INIP: variants seen among roughly 807,000 people sequenced by gnomAD.
INIP encodes the protein INTS3 and NABP interacting protein, also known as SOSS complex subunit C.
Under a neutral mutation model 14.0 loss-of-function variants are expected in INIP, and 9 were observed. The observed-to-expected ratio is 0.64, with a 90% confidence interval of 0.39 to 1.12. The LOEUF (loss-of-function observed/expected upper bound fraction) is 1.12. INIP is among the 50% of genes most tolerant of loss of function. INIP has a pLI of 0.01. For missense variants in INIP, 78 were observed against 122.7 expected (o/e 0.64, Z 1.72); for synonymous variants, 37 against 41.5 (o/e 0.89, Z 0.41).
intron 4 of INIP, among the ~76,000 whole-genome samples, chr9:112,688,952 A>G (rs945699159): frequency 9.2e-5 from 14 of 152,152 alleles, no homozygotes; most frequent in Non-Finnish European, 1.5e-4. Flanking sequence ...TGCCTATGGG[A>G]AAAAAATGTC....
intron 2 of INIP, 44 bp from the exon 3 acceptor site, chr9:112,694,277 T>A: frequency 8.4e-7 from 1 of 1,191,286 alleles, no homozygotes; most frequent in Non-Finnish European, 1.2e-6. Flanking sequence ...AAAGAGAGAG[T>A]AATCAGAAAC....
chr9:112,707,832 G>A (rs186672808), intron 2 of INIP, among the ~76,000 whole-genome samples: 2 of 152,258 alleles, frequency 1.3e-5, no homozygotes, highest in African/African-American at 4.8e-5. Flanking sequence ...TACCATAGTT[G>A]AGACACCTAT....
Position 112,685,318 on chromosome 9 carries a change from A to G in INIP, c.*2220T>C, listed in dbSNP as rs1019599313. On this transcript the variant is annotated 3_prime_UTR_variant, in exon 5 of 5. Transcript: ENST00000374242. Reference sequence around the variant, plus strand: ...TGTTGCCTAGGCTGTGGCTTGCTTTATAACTATTGGTGTACCAGAATAGGA... The same window carrying G: ...TGTTGCCTAGGCTGTGGCTTGCTTTGTAACTATTGGTGTACCAGAATAGGA... 1.3e-5 allele frequency: 2 copies of G among 150,250 alleles called. No individual in the cohort carries two copies. The highest frequency in any genetic ancestry group is 2.1e-4 in the South Asian group (1 of 4,760). 9.3% of individuals were successfully genotyped at this position (150,250 alleles called of 1,614,324 possible).
chr9:112,697,233 G>A (rs1248924768), intron 2 of INIP, among the ~76,000 whole-genome samples: 1 of 152,192 alleles, frequency 6.6e-6, no homozygotes, highest in Non-Finnish European at 1.5e-5. Flanking sequence ...ATCAGAGCAA[G>A]GCTGGTGGCT....
intron 2 of INIP, among the ~76,000 whole-genome samples, chr9:112,703,601 T>A (rs1490918261): frequency 2.0e-5 from 3 of 152,162 alleles, no homozygotes; most frequent in Non-Finnish European, 2.9e-5. Flanking sequence ...ACTAGTTCCA[T>A]GTCTTAGGGC....
In INIP at chr9:112,694,174, G is replaced by C. The variant is rs1374906928; in HGVS notation, c.85C>G (p.Leu29Val). Reference protein sequence around the residue: ...LAELDKEKRKLLMQNQSSTNH... With the variant: ...LAELDKEKRKVLMQNQSSTNH... The stretch of plus-strand genomic sequence containing the variant: ...GTTGAAGACTGGTTCTGCATAAGTA[G>C]TTTTCTTTTCTCTTTGTCCAGTTCT... Residue 29 changes from leucine (L) to valine (V), a missense_variant, in exon 3 of 5, where the codon CTA becomes GTA. By Grantham distance (32) the Leu-to-Val change is conservative. Transcript: ENST00000374242. 6.2e-7 allele frequency: 1 copy of C among 1,611,672 alleles called. No homozygotes were observed. Among genetic ancestry groups the C allele is most frequent in the South Asian group, 1.1e-5 (1 of 90,706 alleles).
At chr9:112,703,568 AAAC>A (rs1033737675) in intron 2 of INIP, among the ~76,000 whole-genome samples, 3 of 152,130 alleles carry the variant, frequency 2.0e-5, no homozygotes, top group Admixed American at 6.6e-5. Context: ...AAACAAAACA[AAAC>A]AACAACAACA....
chr9:112,699,087 G>A (rs1034180400), intron 2 of INIP, among the ~76,000 whole-genome samples: 2 of 152,106 alleles, frequency 1.3e-5, no homozygotes, highest in Non-Finnish European at 1.5e-5. Context: ...GGAGGTCGAG[G>A]CAGGAGGATC....
intron 2 of INIP, among the ~76,000 whole-genome samples, chr9:112,699,509 A>G (rs1838217409): frequency 6.6e-6 from 1 of 152,146 alleles, no homozygotes; most frequent in Non-Finnish European, 1.5e-5. Context: ...ATTGCAGTAT[A>G]TTGTTATAAT....
chr9:112,707,690 A>G, intron 2 of INIP, among the ~76,000 whole-genome samples: 1 of 152,296 alleles, frequency 6.6e-6, no homozygotes, highest in Non-Finnish European at 1.5e-5. Flanking sequence ...AAAAGTGAAA[A>G]TTATTTTGAT....
At chr9:112,702,330 T>C (rs1838324390) in intron 2 of INIP, among the ~76,000 whole-genome samples, 1 of 152,166 alleles carries the variant, frequency 6.6e-6, no homozygotes, top group South Asian at 2.1e-4. Flanking sequence ...CCTATAAAGA[T>C]AATCTGATCA....
At chr9:112,701,853 C>G (rs1479149682) in intron 2 of INIP, 1 of 150,374 alleles carries the variant, frequency 6.7e-6, no homozygotes, top group Non-Finnish European at 1.5e-5. Context: ...AGTTCAAGAT[C>G]AGCCTGGGCA....
At chr9:112,697,059 C>T (rs1161963054) in intron 2 of INIP, among the ~76,000 whole-genome samples, 1 of 152,192 alleles carries the variant, frequency 6.6e-6, no homozygotes, top group Non-Finnish European at 1.5e-5. Flanking sequence ...GTAGGTGGGA[C>T]TGAAAGTTCC....
chr9:112,695,325 G>A (rs1838045795), intron 2 of INIP, among the ~76,000 whole-genome samples: 1 of 150,708 alleles, frequency 6.6e-6, no homozygotes. Context: ...CCAGAAGAAT[G>A]AATATGGGAG....
intron 2 of INIP, among the ~76,000 whole-genome samples, chr9:112,698,851 A>AC: frequency 6.6e-6 from 1 of 152,290 alleles, no homozygotes; most frequent in Non-Finnish European, 1.5e-5. Context: ...ACTCTCATAT[A>AC]ATAGCCTTCT....
rs372762632 is a variant in INIP, at chr9:112,700,491, A to G, written c.26-6258T>C. Among the ~76,000 whole-genome samples the G allele has an allele frequency of 8.7e-5, 13 of 149,356 alleles. No individual in the cohort carries two copies. The East Asian group carries it at 1.2e-3, about 13-fold the overall frequency. ...ATTTCTCTCCCATTTTATCAGGGCC[A>G]TCTCCAAAAAGACTTATAAATTAGG... is the stretch of plus-strand genomic sequence containing the variant. On this transcript the variant is annotated intron_variant, in intron 2 of 4. Transcript: ENST00000374242.
In INIP at chr9:112,689,608, G is replaced by A. The variant is rs751965987; in HGVS notation, c.138C>T (p.Leu46=). 7 of 1,613,848 alleles carry A rather than the reference G, an allele frequency of 4.3e-6. No homozygotes were observed. Among genetic ancestry groups the A allele is most frequent in the Non-Finnish European group, 5.9e-6 (7 of 1,179,688 alleles). ...AGTCCTTATTAAGAGAGGGTCTCGA[G>A]AGTGCAATGCTAAAATGGGAATCTT... ...STNHPGASIA[L]SRPSLNKDFR... Residue 46 remains leucine (L), a synonymous_variant, in exon 4 of 5, where the codon CTC becomes CTT. Transcript: ENST00000374242.
At chr9:112,708,804 C>T (rs1838561776) in intron 2 of INIP, among the ~76,000 whole-genome samples, 1 of 151,726 alleles carries the variant, frequency 6.6e-6, no homozygotes, top group Non-Finnish European at 1.5e-5. Context: ...TCAAGCGATC[C>T]TCCCACCTCA....
At chr9:112,708,927 A>T (rs1838565413) in intron 2 of INIP, among the ~76,000 whole-genome samples, 1 of 152,012 alleles carries the variant, frequency 6.6e-6, no homozygotes, top group Non-Finnish European at 1.5e-5. Context: ...AATCTAGTTA[A>T]TGACGAATGT....
Sources: allele counts gnomAD v4.1 joint callset (sites outside exome capture counted in the v4.1 genomes callset), GRCh38; gene constraint gnomAD v4.1.1; transcripts MANE v1.5; gene names NCBI Gene and HGNC (gene_info 2026-07-23, HGNC 2026-07-21).